SPECC1: variants seen among roughly 807,000 people sequenced by gnomAD.
The protein encoded by SPECC1 is sperm antigen with calponin homology and coiled-coil domains 1.
Under a neutral mutation model 104.1 loss-of-function variants are expected in SPECC1, and 62 were observed. The observed-to-expected ratio is 0.60, with a 90% CI of 0.49 to 0.74. SPECC1 has a LOEUF of 0.74. Ranked by LOEUF, SPECC1 falls within the 30% of genes least tolerant of loss-of-function variation. The pLI is 0.00. For missense variants in SPECC1, 1,306 were observed against 1,310.5 expected (o/e 1.00, Z 0.05); for synonymous variants, 513 against 501.6 (o/e 1.02, Z -0.30).
chr17:20,237,552 T>A lies in SPECC1; in HGVS notation c.2351+5147T>A, dbSNP rs145601167. The A allele has an allele frequency of 5.7e-3, 1,095 of 193,518 alleles. 13 individuals carry two copies. Among genetic ancestry groups the A allele is most frequent in the African/African-American group, 0.024 (1,023 of 43,150 alleles). The allele number at this position is 193,518 out of a possible 1,614,324, so 12.0% of individuals were successfully genotyped here. On this transcript the variant is annotated intron_variant, in intron 7 of 14. Transcript: ENST00000395527. ...CTGCTCTTGAACTCCTGACCTCAGG[T>A]GATCCCCACCTCAGCCTCCCAAAGT...
At chr17:20,093,200 A>G (rs913471548) in intron 1 of SPECC1, among the ~76,000 whole-genome samples, 3 of 152,216 alleles carry the variant, frequency 2.0e-5, no homozygotes, top group Middle Eastern at 3.2e-3. Context: ...AGGTGCCACT[A>G]GATTTGGTAT....
Position 20,204,313 on chromosome 17 carries a change from T to C in SPECC1, c.284-20T>C. 6.3e-7 allele frequency: 1 copy of C among 1,579,686 alleles called. No individual in the cohort carries two copies. Among genetic ancestry groups the C allele is most frequent in the Non-Finnish European group, 8.6e-7 (1 of 1,167,214 alleles). ...AATGCTTGCTTTATTTTTTCATTTT[T>C]TTCTTCTTCTGTCTTTAAGGGGCCT... On this transcript the variant is annotated intron_variant, in intron 3 of 14. Transcript: ENST00000395527.
chr17:20,044,504 A>T (rs1188304601), intron 1 of SPECC1, among the ~76,000 whole-genome samples: 2 of 152,094 alleles, frequency 1.3e-5, no homozygotes, highest in Non-Finnish European at 2.9e-5. Context: ...CCTTATTTTC[A>T]TCTGGAAAAG....
chr17:20,289,994 A>G (rs1243831050), intron 12 of SPECC1, among the ~76,000 whole-genome samples: 1 of 152,076 alleles, frequency 6.6e-6, no homozygotes, highest in African/African-American at 2.4e-5. Context: ...TTGGACTTTT[A>G]TAATAATTCT....
chr17:20,215,188 T>A (rs970110821), intron 4 of SPECC1, among the ~76,000 whole-genome samples: 2 of 152,154 alleles, frequency 1.3e-5, no homozygotes, highest in African/African-American at 4.8e-5. Context: ...TGTAGAAATA[T>A]GTCTAGACAG....
At chr17:20,023,428 A>T (rs1164906324) in intron 1 of SPECC1, among the ~76,000 whole-genome samples, 1 of 152,176 alleles carries the variant, frequency 6.6e-6, no homozygotes, top group African/African-American at 2.4e-5. Context: ...AATCCAGTCT[A>T]TTCAGCTTAA....
intron 3 of SPECC1, among the ~76,000 whole-genome samples, chr17:20,118,118 T>A (rs990986554): frequency 6.6e-6 from 1 of 151,292 alleles, no homozygotes; most frequent in Non-Finnish European, 1.5e-5. Flanking sequence ...AAATAAATAA[T>A]AAATAAATAA....
chr17:20,191,215 A>C (rs950742170), intron 3 of SPECC1, among the ~76,000 whole-genome samples: 1 of 152,120 alleles, frequency 6.6e-6, no homozygotes, highest in African/African-American at 2.4e-5. Context: ...GTGTGGACAT[A>C]TGTTTTTGAC....
chr17:20,213,531 C>T (rs914276302), intron 4 of SPECC1, among the ~76,000 whole-genome samples: 3 of 152,192 alleles, frequency 2.0e-5, no homozygotes, highest in Non-Finnish European at 4.4e-5. Context: ...AAGAAAACCA[C>T]CTTTGAAAGC....
intron 1 of SPECC1, among the ~76,000 whole-genome samples, chr17:20,059,707 A>C (rs1164033616): frequency 6.6e-6 from 1 of 152,150 alleles, no homozygotes; most frequent in African/African-American, 2.4e-5. Flanking sequence ...CTCTATAGAA[A>C]ATTTAAAAAA....
At chr17:20,024,060 A>G (rs944648887) in intron 1 of SPECC1, among the ~76,000 whole-genome samples, 3 of 152,242 alleles carry the variant, frequency 2.0e-5, no homozygotes, top group African/African-American at 7.2e-5. Context: ...TACTCTAGGA[A>G]TTCCAGAATC....
intron 6 of SPECC1, 66 bp downstream of exon 6, chr17:20,231,897 A>G (rs779208184): frequency 2.7e-6 from 4 of 1,494,228 alleles, no homozygotes; most frequent in Non-Finnish European, 3.7e-6. Flanking sequence ...GGTGTGGATC[A>G]CTCTCTCTAT....
At chr17:20,219,266 C>A (rs986970476) in intron 4 of SPECC1, among the ~76,000 whole-genome samples, 6 of 152,188 alleles carry the variant, frequency 3.9e-5, no homozygotes, top group South Asian at 2.1e-4. Context: ...TACTTTCCCG[C>A]CAACAGTGTA....
chr17:20,189,391 G>A (rs1176363816), intron 3 of SPECC1, among the ~76,000 whole-genome samples: 6 of 152,196 alleles, frequency 3.9e-5, no homozygotes, highest in Non-Finnish European at 8.8e-5. Flanking sequence ...AGCCACTTCA[G>A]TTTCAATGGA....
chr17:20,148,917 C>T (rs1482257227), intron 3 of SPECC1, among the ~76,000 whole-genome samples: 1 of 152,120 alleles, frequency 6.6e-6, no homozygotes, highest in Non-Finnish European at 1.5e-5. Context: ...GACGGGGTTT[C>T]ACCATGTTGG....
chr17:20,120,354 C>G (rs1228873306), intron 3 of SPECC1, among the ~76,000 whole-genome samples: 1 of 151,588 alleles, frequency 6.6e-6, no homozygotes, highest in Non-Finnish European at 1.5e-5. Context: ...CCACTGCACT[C>G]GAGCCTGGGC....
chr17:20,263,245 T>C (rs1024786384), intron 12 of SPECC1, among the ~76,000 whole-genome samples: 3 of 149,118 alleles, frequency 2.0e-5, no homozygotes, highest in Non-Finnish European at 4.5e-5. Flanking sequence ...TATTCTTTCC[T>C]GTGTCCTTGG....
intron 14 of SPECC1, among the ~76,000 whole-genome samples, chr17:20,310,067 C>T (rs2041888730): frequency 6.6e-6 from 1 of 152,028 alleles, no homozygotes; most frequent in African/African-American, 2.4e-5. Context: ...GGTGATCCAC[C>T]CACCTCAGCC....
chr17:20,065,975 T>TA (rs2090325486), intron 1 of SPECC1, among the ~76,000 whole-genome samples: 1 of 152,228 alleles, frequency 6.6e-6, no homozygotes, highest in Non-Finnish European at 1.5e-5. Flanking sequence ...ATTTGTTATC[T>TA]ATATCTATCT....
Sources: allele counts gnomAD v4.1 joint callset (sites outside exome capture counted in the v4.1 genomes callset), GRCh38; gene constraint gnomAD v4.1.1; transcripts MANE v1.5; gene names NCBI Gene and HGNC (gene_info 2026-07-23, HGNC 2026-07-21).